The following MATR3 variants were observed in gnomAD, a reference collection of about 807,000 sequenced individuals.
MATR3 encodes matrin-3.
A neutral mutation model predicts 85.5 loss-of-function variants in MATR3; 4 were observed. The ratio of observed to expected loss-of-function variants is 0.05; its 90% confidence interval spans 0.02 to 0.11. The LOEUF is 0.11. Ranked by LOEUF, MATR3 falls within the 10% of genes least tolerant of loss-of-function variation. The probability of loss-of-function intolerance (pLI) is 1.00; values close to 1 mark genes in which losing one functional copy is unlikely to be tolerated. For synonymous variants in MATR3, 336 were observed against 343.1 expected (o/e 0.98, Z 0.23); for missense variants, 685 against 1,016.1 (o/e 0.67, Z 4.43).
chr5:139,316,926 A>G (rs1755276665), intron 5 of MATR3, 127 bp from the exon 6 acceptor site: 1 of 749,482 alleles, frequency 1.3e-6, no homozygotes, highest in Non-Finnish European at 2.4e-6. Flanking sequence ...TTGCATGAAA[A>G]GTGATGGTAA....
chr5:139,301,922 G>A (rs1353850176), intron 1 of MATR3, among the ~76,000 whole-genome samples: 1 of 152,190 alleles, frequency 6.6e-6, no homozygotes, highest in Non-Finnish European at 1.5e-5. Flanking sequence ...CTCAGCAGCT[G>A]ACGCCACTCT....
Position 139,325,640 on chromosome 5 carries a change from A to G in MATR3, c.2349A>G (p.Pro783=), listed in dbSNP as rs1244827557. The G allele has an allele frequency of 1.2e-6, 2 of 1,614,150 alleles. No individual in the cohort carries two copies. Among genetic ancestry groups the G allele is most frequent in the Non-Finnish European group, 1.7e-6 (2 of 1,179,970 alleles). The change falls in exon 13 of 15, where the codon CCA becomes CCG. Residue 783 remains proline, a synonymous_variant. Transcript: ENST00000394805. ...TCCCAGATGAGTATAGAATTGGACCATATCAGCCCAATGTTCCTGTTGGTG... is the reference window on the plus strand; with the variant it reads ...TCCCAGATGAGTATAGAATTGGACCGTATCAGCCCAATGTTCCTGTTGGTG... ...YTIPDEYRIG[P]YQPNVPVGID...
rs2151961303 is a variant in MATR3 at position 139,308,078 on chromosome 5, T to C, written c.663T>C (p.Asp221=). ...SGYYDRMDYE[D]DRLRDGERCR... is the part of the protein sequence containing the mutation. Reference sequence around the variant, plus strand: ...ATTATGACAGAATGGATTATGAAGATGACAGATTAAGAGATGGAGAAAGGT... The same window carrying C: ...ATTATGACAGAATGGATTATGAAGACGACAGATTAAGAGATGGAGAAAGGT... The change falls in exon 2 of 15, where the codon GAT becomes GAC. Residue 221 remains aspartate, a synonymous_variant. Coordinates refer to ENST00000394805, the MANE Select transcript of MATR3 (RefSeq NM_018834.6). 6.2e-7 allele frequency: 1 copy of C among 1,614,122 alleles called. No homozygotes were observed. The highest frequency in any genetic ancestry group is 8.5e-7 in the Non-Finnish European group (1 of 1,180,026).
chr5:139,327,038 A>T (rs997264706), intron 14 of MATR3, among the ~76,000 whole-genome samples: 2 of 152,222 alleles, frequency 1.3e-5, no homozygotes, highest in African/African-American at 4.8e-5. Flanking sequence ...ATAAACCACA[A>T]CATCACTAAA....
chr5:139,291,883 G>T (rs76431758), upstream of MATR3: 2 of 148,036 alleles, frequency 1.4e-5, no homozygotes, highest in African/African-American at 5.0e-5. Flanking sequence ...GTAGTGCTTC[G>T]TTGAGGCATC....
chr5:139,283,936 G>A (rs1276399676), intron 3 of MATR3, among the ~76,000 whole-genome samples: 1 of 152,172 alleles, frequency 6.6e-6, no homozygotes, highest in East Asian at 1.9e-4. Context: ...TTGCAGAGAA[G>A]CTGCCTTCCC....
At chr5:139,289,871 C>G (rs1411498670), upstream of MATR3, among the ~76,000 whole-genome samples, 1 of 152,196 alleles carries the variant, frequency 6.6e-6, no homozygotes, top group African/African-American at 2.4e-5. Context: ...GTCTATTTCA[C>G]GCTTCAGTGG....
At chr5:139,283,260 A>C (rs1753596670) in intron 3 of MATR3, 1 of 152,288 alleles carries the variant, frequency 6.6e-6, no homozygotes, top group African/African-American at 2.4e-5. Context: ...TCTGAGTTAG[A>C]ATCTGTGCTT....
chr5:139,292,559 C>G (rs1753911976), upstream of MATR3, among the ~76,000 whole-genome samples: 1 of 152,170 alleles, frequency 6.6e-6, no homozygotes, highest in Non-Finnish European at 1.5e-5. Context: ...ACCAGTACCT[C>G]AGTCCCAAGA....
At chr5:139,320,769 A>T in intron 9 of MATR3, among the ~76,000 whole-genome samples, 1 of 111,976 alleles carries the variant, frequency 8.9e-6, no homozygotes, top group East Asian at 2.4e-4. Context: ...TTTTTTTGAG[A>T]CAGAGTCTCG....
rs1755196170 is a variant in MATR3 at position 139,315,487 on chromosome 5, A to G, written c.975-210A>G. The G allele has an allele frequency of 7.7e-6, 4 of 518,562 alleles. No individual in the cohort carries two copies. In the East Asian group the frequency reaches 1.3e-4, roughly 17 times the overall value. The allele number at this position is 518,562 out of a possible 1,614,324, so 32.1% of individuals were successfully genotyped here. A position where few individuals can be genotyped will look rare whatever the true frequency, so the allele number is the denominator to read the frequency against. ...TCAACATTATCTGCATTTGCAAGCA[A>G]TACAAAACAAGTTTATTCTCGTGGA... On this transcript the variant is annotated intron_variant, in intron 3 of 14. Transcript: ENST00000394805.
In MATR3 at chr5:139,278,227, C is replaced by CAA. The variant is rs1353225493; in HGVS notation, c.-256-819_-256-818dup. 8.2e-5 allele frequency: 31 copies of CAA among 378,604 alleles called. No homozygotes were observed. In the East Asian group the frequency reaches 1.3e-3, roughly 16 times the overall value. 23.5% of individuals were successfully genotyped at this position (378,604 alleles called of 1,614,324 possible). Reference sequence around the variant, plus strand: ...GTCTAGACAGAGTGAGACCCTATCTCAAAAAATATATATATATATATACAC... The same window carrying CAA: ...GTCTAGACAGAGTGAGACCCTATCTCAAAAAAAATATATATATATATATACAC... On this transcript the variant is annotated intron_variant, in intron 2 of 16. Transcript: ENST00000509990.
At chr5:139,315,424 C>T (rs1415319022) in intron 3 of MATR3, 5 of 379,670 alleles carry the variant, frequency 1.3e-5, no homozygotes, top group Non-Finnish European at 2.4e-5. Flanking sequence ...TGCGGCACTT[C>T]CTCCTTACAA....
intron 2 of MATR3, chr5:139,311,811 AGGCTGGAGTACAGT>A (rs896463330): frequency 5.9e-5 from 7 of 118,864 alleles, no homozygotes; most frequent in African/African-American, 2.4e-4. Flanking sequence ...TCTGTGTCCC[AGGCTGGAGTACAGT>A]GGCGTGATCT....
At chr5:139,295,585 T>C (rs951817512) in intron 1 of MATR3, among the ~76,000 whole-genome samples, 1 of 152,220 alleles carries the variant, frequency 6.6e-6, no homozygotes, top group Non-Finnish European at 1.5e-5. Flanking sequence ...GATCTGTGCA[T>C]TTGTTTTAGT....
rs754998679 is a variant in MATR3, at chr5:139,330,407, G to C, written c.*1012G>C. ...CAATAAAAAGAAAACCCTAGGCCAT[G>C]TTAATTGGTTATACATGTTTGGAAT... On this transcript the variant is annotated 3_prime_UTR_variant, in exon 15 of 15. Transcript: ENST00000394805. 4.4e-6 allele frequency: 2 copies of C among 453,504 alleles called. No individual in the cohort carries two copies. Among genetic ancestry groups the C allele is most frequent in the East Asian group, 1.4e-4 (2 of 14,418 alleles). 28.1% of individuals were successfully genotyped at this position (453,504 alleles called of 1,614,324 possible). A position where few individuals can be genotyped will look rare whatever the true frequency, so the allele number is the denominator to read the frequency against.
chr5:139,297,677 C>T (rs1408642629), intron 1 of MATR3, among the ~76,000 whole-genome samples: 1 of 151,920 alleles, frequency 6.6e-6, no homozygotes, highest in Non-Finnish European at 1.5e-5. Context: ...TGCGGAGTGC[C>T]TTTGATGTGA....
chr5:139,309,656 A>G (rs1754871686), intron 2 of MATR3, among the ~76,000 whole-genome samples: 1 of 152,158 alleles, frequency 6.6e-6, no homozygotes, highest in Admixed American at 6.6e-5. Flanking sequence ...TCATTAAGAA[A>G]TACAACCCCA....
In MATR3 at chr5:139,307,020, T is replaced by G. The variant is rs909896769; in HGVS notation, c.-177-219T>G. On this transcript the variant is annotated intron_variant, in intron 1 of 14. Coordinates refer to ENST00000394805, the MANE Select transcript of MATR3 (RefSeq NM_018834.6). This position sits in a 1 kb window ranked among gnomAD's most constrained non-coding sequence, Gnocchi z 4.4. ...TTTTAAACTCAGTATGAAAGTCCCT[T>G]TAATAGTTAAGCTTTAGCATGAAAT... Among the ~76,000 whole-genome samples the G allele has an allele frequency of 2.6e-5, 4 of 152,126 alleles. No homozygotes were observed. Among genetic ancestry groups the G allele is most frequent in the African/African-American group, 9.7e-5 (4 of 41,434 alleles).
Sources: gnomAD v4.1 joint callset for allele counts (sites outside exome capture counted in the v4.1 genomes callset) on GRCh38, gnomAD v4.1.1 for gene constraint, Gnocchi (gnomAD v3.1) non-coding constraint, MANE v1.5 for transcripts, NCBI Gene and HGNC (gene_info 2026-07-23, HGNC 2026-07-21) for gene names.